The following SEC31A variants were observed in gnomAD, a reference collection of about 807,000 sequenced individuals.
SEC31A encodes SEC31 homolog A, COPII component, also known as protein transport protein Sec31A.
In SEC31A, 70 loss-of-function variants were observed where a neutral mutation model predicts 151.0. The ratio of observed to expected loss-of-function variants is 0.46; its 90% confidence interval spans 0.38 to 0.57. SEC31A has a LOEUF of 0.57. Ranked by LOEUF, SEC31A falls within the 20% of genes least tolerant of loss-of-function variation. The pLI, the probability that SEC31A is intolerant of heterozygous loss-of-function variation, is 0.00. For missense variants in SEC31A, 1,330 were observed against 1,471.2 expected, an observed-to-expected ratio of 0.90 and a Z score of 1.57; for synonymous variants, 475 against 505.9, an observed-to-expected ratio of 0.94 and a Z score of 0.82.
chr4:82,829,816 G>A (rs1436728281), intron 22 of SEC31A, among the ~76,000 whole-genome samples: 1 of 152,068 alleles, frequency 6.6e-6, no homozygotes, highest in Non-Finnish European at 1.5e-5. Context: ...AACAACAGTA[G>A]CAGAACTTAT....
chr4:82,894,805 T>C (rs1435456940), upstream of SEC31A: 1 of 152,246 alleles, frequency 6.6e-6, no homozygotes, highest in Non-Finnish European at 1.5e-5. Flanking sequence ...AGAGCCTCTT[T>C]TCAAACTGAT....
At chr4:82,868,395 G>A (rs1422128976) in intron 8 of SEC31A, among the ~76,000 whole-genome samples, 2 of 152,056 alleles carry the variant, frequency 1.3e-5, no homozygotes, top group African/African-American at 4.8e-5. Flanking sequence ...CTGTTAGCTG[G>A]GAGGCTGAGG....
At chr4:82,844,650 T>G (rs985723730) in intron 20 of SEC31A, 141 bp from the exon 21 acceptor site, 2 of 822,918 alleles carry the variant, frequency 2.4e-6, no homozygotes, top group African/African-American at 1.7e-5. Flanking sequence ...ATTTTGCATA[T>G]TCTATCTTCC....
chr4:82,900,336 T>C (rs1021405880), exon 1 of SEC31A: 2 of 187,874 alleles, frequency 1.1e-5, no homozygotes, highest in Non-Finnish European at 2.2e-5. Flanking sequence ...TTCCATACCC[T>C]TTCCTCCCGA....
rs1225036214 is a variant in SEC31A at position 82,853,726 on chromosome 4, G to A, written c.2009-11C>T. The A allele has an allele frequency of 1.3e-6, 2 of 1,595,862 alleles. No individual in the cohort carries two copies. The highest frequency in any genetic ancestry group is 1.7e-6 in the Non-Finnish European group (2 of 1,174,532). On this transcript the variant is annotated splice_polypyrimidine_tract_variant and intron_variant, in intron 17 of 26. Coordinates refer to ENST00000395310, the MANE Select transcript of SEC31A (RefSeq NM_001077207.4). ...TGGTTCCCAAAAGATCTGTAAGTAA[G>A]AGGAAAATAAAATAAGATTATACCC...
At chr4:82,823,422 C>T (rs1305298725) in intron 25 of SEC31A, among the ~76,000 whole-genome samples, 1 of 152,202 alleles carries the variant, frequency 6.6e-6, no homozygotes, top group Non-Finnish European at 1.5e-5. Flanking sequence ...ATGTCAGGCA[C>T]TAAGGTTTAT....
intron 1 of SEC31A, among the ~76,000 whole-genome samples, chr4:82,884,758 T>C (rs1006240560): frequency 6.6e-6 from 1 of 152,180 alleles, no homozygotes; most frequent in Non-Finnish European, 1.5e-5. Flanking sequence ...TTGTGAATTG[T>C]TCTTGGGACC....
In SEC31A at chr4:82,851,444, T is replaced by C; in HGVS notation, c.2315A>G (p.Asp772Gly). ...AATTCTAATTACCTGGTTGGTGTTG[T>C]CAGGAAGAAAAGCCAAGGCTGCAGC... is the stretch of plus-strand genomic sequence containing the variant. ...SIAAALAFLPDNTNQPNIMQL... is the reference protein window; with the variant it reads ...SIAAALAFLPGNTNQPNIMQL... The change falls in exon 19 of 27, where the codon GAC (aspartate) becomes GGC (glycine). Residue 772 changes from aspartate to glycine, a missense_variant. Transcript: ENST00000395310. 1 of 1,612,038 alleles carries C rather than the reference T, an allele frequency of 6.2e-7. No homozygotes were observed. The highest frequency in any genetic ancestry group is 8.5e-7 in the Non-Finnish European group (1 of 1,179,044).
At chr4:82,893,357 C>A (rs1719928448), upstream of SEC31A, 1 of 152,240 alleles carries the variant, frequency 6.6e-6, no homozygotes, top group Non-Finnish European at 1.5e-5. Flanking sequence ...GCATGAGCCT[C>A]CATGCCCATT....
In SEC31A at chr4:82,819,167, G is replaced by A; in HGVS notation, c.3570C>T (p.Thr1190=). ...RNYSEGLTMH[T]HIVSTSNFSE... ...TGAAGTTGCTGGTGCTAACTATGTG[G>A]GTATGCATGGTCAATCCTTCTGAGT... is the stretch of plus-strand genomic sequence containing the variant. The change falls in exon 27 of 27, where the codon ACC becomes ACT. Residue 1190 remains threonine (T), a synonymous_variant. Transcript: ENST00000395310. 6.2e-7 allele frequency: 1 copy of A among 1,612,398 alleles called. No homozygotes were observed. The highest frequency in any genetic ancestry group is 1.3e-5 in the African/African-American group (1 of 74,984).
chr4:82,844,116 T>C (rs12490), intron 21 of SEC31A: 280,877 of 391,286 alleles, frequency 0.72, 105,336 homozygotes, highest in Non-Finnish European at 0.79. Context: ...ACCAAAATCA[T>C]GGGACACTTG....
chr4:82,848,855 A>G lies in SEC31A; in HGVS notation c.2451T>C (p.Val817=). ...QQLPKGRPGP[V]AGHHQMPRVQ... Reference sequence around the variant, plus strand: ...CTCTTGGCATCTGGTGGTGGCCAGCAACTGGTCCAGGCCTGCCCTTGGGGA... The same window carrying G: ...CTCTTGGCATCTGGTGGTGGCCAGCGACTGGTCCAGGCCTGCCCTTGGGGA... Residue 817 remains valine, a synonymous_variant, in exon 20 of 27, where the codon GTT becomes GTC. Coordinates refer to ENST00000395310, the MANE Select transcript of SEC31A (RefSeq NM_001077207.4). The G allele has an allele frequency of 6.2e-7, 1 of 1,614,042 alleles. No homozygotes were observed. The highest frequency in any genetic ancestry group is 8.5e-7 in the Non-Finnish European group (1 of 1,179,970).
intron 23 of SEC31A, 72 bp downstream of exon 23, chr4:82,828,928 T>C (rs1230873193): frequency 3.5e-6 from 4 of 1,152,472 alleles, no homozygotes; most frequent in African/African-American, 1.5e-5. Flanking sequence ...CAGTGAAGTA[T>C]AGTGTGTTCC....
chr4:82,853,889 G>A (rs1731983985), intron 17 of SEC31A, among the ~76,000 whole-genome samples, 174 bp from the exon 18 acceptor site: 1 of 151,814 alleles, frequency 6.6e-6, no homozygotes, highest in South Asian at 2.1e-4. Context: ...TAAATGAATG[G>A]GAATGAAAAA....
intron 3 of SEC31A, among the ~76,000 whole-genome samples, 158 bp from the exon 4 acceptor site, chr4:82,879,086 G>A (rs887362049): frequency 6.6e-6 from 1 of 152,076 alleles, no homozygotes; most frequent in Non-Finnish European, 1.5e-5. Flanking sequence ...TGGTGTAATA[G>A]TATTTCATTT....
chr4:82,833,133 T>C (rs1233378644), intron 22 of SEC31A, among the ~76,000 whole-genome samples: 4 of 152,140 alleles, frequency 2.6e-5, no homozygotes, highest in Non-Finnish European at 4.4e-5. Context: ...CTATTCACAA[T>C]AGCAAAGACT....
chr4:82,878,682 A>G (rs1349725738), intron 4 of SEC31A, 48 bp downstream of exon 4: 1 of 1,499,674 alleles, frequency 6.7e-7, no homozygotes, highest in African/African-American at 1.4e-5. Context: ...TACTGATTTC[A>G]AATGAGCAGC....
At chr4:82,887,647 T>C (rs1302600906) in intron 1 of SEC31A, among the ~76,000 whole-genome samples, 6 of 152,224 alleles carry the variant, frequency 3.9e-5, no homozygotes, top group Non-Finnish European at 8.8e-5. Flanking sequence ...TTGTGAGAAA[T>C]AAGTGGTATT....
rs574636635 is a variant in SEC31A at position 82,824,731 on chromosome 4, C to T, written c.3292-57G>A. ...ATGACCAGAAGCTACCTTATATACACAATCTTGAATCTATGTGATAAACAG... is the reference window on the plus strand; with the variant it reads ...ATGACCAGAAGCTACCTTATATACATAATCTTGAATCTATGTGATAAACAG... On this transcript the variant is annotated intron_variant, in intron 24 of 26. Transcript: ENST00000395310. 3 of 1,578,734 alleles carry T rather than the reference C, an allele frequency of 1.9e-6. No homozygotes were observed. In the African/African-American group the frequency reaches 4.1e-5, roughly 22 times the overall value.
Sources: allele counts gnomAD v4.1 joint callset (sites outside exome capture counted in the v4.1 genomes callset), GRCh38; gene constraint gnomAD v4.1.1; transcripts MANE v1.5; gene names NCBI Gene and HGNC (gene_info 2026-07-23, HGNC 2026-07-21).